AFG2A: variants seen among roughly 807,000 people sequenced by gnomAD.
AFG2A encodes the protein AAA ATPase AFG2A, also known as ATPase family gene 2 protein homolog A.
At chr4:123,099,995 G>A in the AFG2A span, among the ~76,000 whole-genome samples, 1 of 151,802 alleles carries the variant, frequency 6.6e-6, no homozygotes, top group Admixed American at 6.6e-5. Context: ...ATTGAAGTAT[G>A]TTTAATATTA....
At chr4:123,275,034 G>A in the AFG2A span, among the ~76,000 whole-genome samples, 3,320 of 152,170 alleles carry the variant, frequency 0.022, 64 homozygotes, top group Non-Finnish European at 0.035. Context: ...ATTGAATTAT[G>A]TTCACCTTAA....
At chr4:122,929,644 A>C in the AFG2A span, among the ~76,000 whole-genome samples, 1 of 152,002 alleles carries the variant, frequency 6.6e-6, no homozygotes, top group Non-Finnish European at 1.5e-5. Context: ...GATTGCAGTG[A>C]GCTGGGATCG....
At chr4:123,059,724 G>A in the AFG2A span, among the ~76,000 whole-genome samples, 8 of 150,896 alleles carry the variant, frequency 5.3e-5, no homozygotes, top group South Asian at 2.1e-4. Context: ...CTGAGGAATC[G>A]CCACACTGAC....
chr4:123,308,557 A>G, the AFG2A span, among the ~76,000 whole-genome samples: 104,929 of 151,904 alleles, frequency 0.69, 38,372 homozygotes, highest in Non-Finnish European at 0.81. Flanking sequence ...CAGGTTGTGC[A>G]CTCCTTATGA....
chr4:122,974,840 A>G, the AFG2A span, among the ~76,000 whole-genome samples: 1 of 151,834 alleles, frequency 6.6e-6, no homozygotes, highest in African/African-American at 2.4e-5. Flanking sequence ...TGGTTTCTCC[A>G]TGTTGGTCAG....
chr4:122,947,131 C>A, the AFG2A span: 1 of 1,158,150 alleles, frequency 8.6e-7, no homozygotes, highest in Non-Finnish European at 1.2e-6. Flanking sequence ...GTAGCCTGGA[C>A]AGTTAGATGT....
chr4:123,149,956 G>A, the AFG2A span, among the ~76,000 whole-genome samples: 1 of 151,672 alleles, frequency 6.6e-6, no homozygotes, highest in South Asian at 2.1e-4. Flanking sequence ...ACAGGCACAC[G>A]CCTGTAGTTC....
chr4:123,304,532 A>G, the AFG2A span, among the ~76,000 whole-genome samples: 1 of 152,218 alleles, frequency 6.6e-6, no homozygotes, highest in Non-Finnish European at 1.5e-5. Flanking sequence ...CGGCTGCACC[A>G]CAATCATCGC....
At chr4:122,969,513 A>AT in the AFG2A span, among the ~76,000 whole-genome samples, 11 of 152,128 alleles carry the variant, frequency 7.2e-5, no homozygotes, top group African/African-American at 2.4e-4. Flanking sequence ...GGTAAGTGAT[A>AT]TTTTTTTAAA....
the AFG2A span, chr4:123,102,049 A>G: frequency 6.6e-6 from 1 of 152,022 alleles, no homozygotes; most frequent in African/African-American, 2.4e-5. Flanking sequence ...ATATCATTCA[A>G]GCTCTACAAT....
the AFG2A span, among the ~76,000 whole-genome samples, chr4:123,112,880 T>C: frequency 1.3e-5 from 2 of 152,178 alleles, no homozygotes; most frequent in African/African-American, 4.8e-5. Flanking sequence ...TGAAGATTTT[T>C]ATTTCTTGGA....
chr4:123,090,669 T>C, the AFG2A span: 1 of 1,614,126 alleles, frequency 6.2e-7, no homozygotes, highest in South Asian at 1.1e-5. Flanking sequence ...ATGTGACCAT[T>C]TTGGCAGCTA....
the AFG2A span, among the ~76,000 whole-genome samples, chr4:123,205,666 G>T: frequency 5.9e-5 from 9 of 152,012 alleles, no homozygotes; most frequent in Admixed American, 2.0e-4. Flanking sequence ...TGTGGAATTT[G>T]GTATCCTGGT....
At chr4:122,966,602 G>T in the AFG2A span, among the ~76,000 whole-genome samples, 2 of 151,988 alleles carry the variant, frequency 1.3e-5, no homozygotes, top group Non-Finnish European at 2.9e-5. Flanking sequence ...CTAATTACTT[G>T]AACTTAGATA....
chr4:122,978,028 CTTT>C, the AFG2A span, among the ~76,000 whole-genome samples: 1 of 152,076 alleles, frequency 6.6e-6, no homozygotes, highest in South Asian at 2.1e-4. Flanking sequence ...TGGGTAGCTT[CTTT>C]CTGTAGGCAG....
At chr4:122,928,051 A>G in the AFG2A span, among the ~76,000 whole-genome samples, 1 of 152,200 alleles carries the variant, frequency 6.6e-6, no homozygotes, top group African/African-American at 2.4e-5. Context: ...GAAAAACTGT[A>G]TTTTAAAAGA....
the AFG2A span, among the ~76,000 whole-genome samples, chr4:123,136,903 A>G: frequency 7.2e-5 from 11 of 152,052 alleles, no homozygotes; most frequent in African/African-American, 2.7e-4. Context: ...TGTTTTATAG[A>G]GGTCATTTAG....
the AFG2A span, among the ~76,000 whole-genome samples, chr4:123,028,577 G>A: frequency 6.6e-6 from 1 of 152,068 alleles, no homozygotes; most frequent in Non-Finnish European, 1.5e-5. Context: ...ATTCGTGCAT[G>A]TAATCAGCAA....
chr4:123,185,898 A>G, the AFG2A span, among the ~76,000 whole-genome samples: 1 of 152,120 alleles, frequency 6.6e-6, no homozygotes, highest in Non-Finnish European at 1.5e-5. Context: ...CTAAAAAAAA[A>G]AAAGAAAGAA....
Sources: gnomAD v4.1 joint callset for allele counts (sites outside exome capture counted in the v4.1 genomes callset) on GRCh38, gnomAD v4.1.1 for gene constraint, MANE v1.5 for transcripts, NCBI Gene and HGNC (gene_info 2026-07-23, HGNC 2026-07-21) for gene names.